Variants in FSTL5 observed in about 807,000 individuals in gnomAD.
The protein encoded by FSTL5 is follistatin-related protein 5.
Under a neutral mutation model 89.1 loss-of-function variants are expected in FSTL5, and 62 were observed. The ratio of observed to expected loss-of-function variants is 0.70; its 90% confidence interval spans 0.57 to 0.86. The LOEUF is 0.86. Ranked by LOEUF, FSTL5 falls within the 40% of genes least tolerant of loss-of-function variation. FSTL5 has a pLI of 0.00. For missense variants in FSTL5, 1,057 were observed against 1,001.6 expected (o/e 1.06, Z -0.75); for synonymous variants, 383 against 346.2 (o/e 1.11, Z -1.18).
At chr4:161,391,942 G>A (rs922048760) in intron 15 of FSTL5, among the ~76,000 whole-genome samples, 8 of 152,188 alleles carry the variant, frequency 5.3e-5, no homozygotes, top group African/African-American at 7.2e-5. Flanking sequence ...TACATTAAAC[G>A]TTTTAGCTAT....
intron 13 of FSTL5, among the ~76,000 whole-genome samples, chr4:161,461,293 AAAAC>A (rs1339609875): frequency 7.8e-6 from 1 of 128,484 alleles, no homozygotes; most frequent in Non-Finnish European, 1.6e-5. Context: ...AAATACAAAA[AAAAC>A]AAACAAACAA....
chr4:161,923,959 T>C (rs1368555946), intron 3 of FSTL5, among the ~76,000 whole-genome samples: 1 of 151,830 alleles, frequency 6.6e-6, no homozygotes, highest in Non-Finnish European at 1.5e-5. Context: ...ATTATGTAAA[T>C]GAATAGCTAG....
At chr4:162,133,433 GCAGT>G (rs1404222978) in intron 1 of FSTL5, among the ~76,000 whole-genome samples, 4 of 152,112 alleles carry the variant, frequency 2.6e-5, no homozygotes, top group East Asian at 1.9e-4. Flanking sequence ...GGTAGGAGAG[GCAGT>G]CATTGTTAAT....
chr4:161,595,047 G>A (rs958675868), intron 7 of FSTL5, among the ~76,000 whole-genome samples: 1 of 151,874 alleles, frequency 6.6e-6, no homozygotes, highest in African/African-American at 2.4e-5. Flanking sequence ...GAATTTAGCT[G>A]TTCTTGTTTA....
chr4:162,140,296 G>A (rs1732676200), intron 1 of FSTL5, among the ~76,000 whole-genome samples: 1 of 152,084 alleles, frequency 6.6e-6, no homozygotes, highest in African/African-American at 2.4e-5. Context: ...TCTCACATGT[G>A]TTCAAGGAAA....
chr4:161,821,787 G>A (rs1262170476), intron 4 of FSTL5, among the ~76,000 whole-genome samples: 3 of 151,454 alleles, frequency 2.0e-5, no homozygotes, highest in Admixed American at 6.6e-5. Flanking sequence ...TGGTGTGTGT[G>A]TATATATATA....
chr4:161,952,682 A>T (rs2110957050), intron 3 of FSTL5, among the ~76,000 whole-genome samples: 1 of 152,030 alleles, frequency 6.6e-6, no homozygotes, highest in Non-Finnish European at 1.5e-5. Context: ...ATGCATTTTT[A>T]ATTTAACAAA....
chr4:161,493,722 T>G (rs1729961818), intron 12 of FSTL5, among the ~76,000 whole-genome samples: 1 of 152,088 alleles, frequency 6.6e-6, no homozygotes, highest in African/African-American at 2.4e-5. Flanking sequence ...TTGTAAAGCG[T>G]GCGGAATGCA....
intron 1 of FSTL5, among the ~76,000 whole-genome samples, chr4:162,153,704 TTATATATGTATATAATAATATATG>T (rs1733336450): frequency 7.2e-6 from 1 of 137,998 alleles, no homozygotes. Context: ...TATATGTATA[TTATATATGTATATAATAATATATG>T]TATATATGTA....
At chr4:161,911,647 T>C (rs1011988272) in intron 4 of FSTL5, among the ~76,000 whole-genome samples, 1 of 152,188 alleles carries the variant, frequency 6.6e-6, no homozygotes, top group African/African-American at 2.4e-5. Flanking sequence ...TAGCAGTCAA[T>C]AGATGAATGC....
intron 10 of FSTL5, among the ~76,000 whole-genome samples, chr4:161,511,933 T>C (rs1248071254): frequency 1.3e-5 from 2 of 151,950 alleles, no homozygotes; most frequent in Non-Finnish European, 2.9e-5. Flanking sequence ...CTGTGCGGTG[T>C]AGGGGGCTAG....
At chr4:161,920,136 T>C (rs907235459) in intron 4 of FSTL5, among the ~76,000 whole-genome samples, 1 of 152,126 alleles carries the variant, frequency 6.6e-6, no homozygotes, top group Non-Finnish European at 1.5e-5. Context: ...CCTAAGAAAA[T>C]CCATGATTGG....
At chr4:161,405,777 C>G (rs78271077) in intron 15 of FSTL5, among the ~76,000 whole-genome samples, 14,668 of 152,122 alleles carry the variant, frequency 0.096, 947 homozygotes, top group South Asian at 0.2. Flanking sequence ...AAGAGAGAAT[C>G]ACCAAAGCAC....
intron 6 of FSTL5, among the ~76,000 whole-genome samples, chr4:161,672,946 C>CT (rs1260122005): frequency 6.6e-6 from 1 of 151,828 alleles, no homozygotes; most frequent in African/African-American, 2.4e-5. Context: ...ATATCACTGC[C>CT]TTGAAACTGC....
intron 1 of FSTL5, among the ~76,000 whole-genome samples, chr4:162,137,815 G>A (rs533746695): frequency 3.7e-4 from 56 of 152,112 alleles, no homozygotes; most frequent in African/African-American, 1.2e-3. Flanking sequence ...TATTTCTATC[G>A]AAAAGCAATA....
chr4:161,555,719 ACT>A (rs1391445935), intron 8 of FSTL5, among the ~76,000 whole-genome samples: 1 of 151,570 alleles, frequency 6.6e-6, no homozygotes, highest in Non-Finnish European at 1.5e-5. Context: ...TAAAGGAAAC[ACT>A]CTCTGGTAAA....
chr4:161,979,476 A>G lies in FSTL5; in HGVS notation c.160+54149T>C, dbSNP rs533311167. 7.2e-5 allele frequency among the ~76,000 whole-genome samples: 11 copies of G among 152,016 alleles called. No individual in the cohort carries two copies. In the East Asian group the frequency reaches 2.1e-3, roughly 29 times the overall value. On this transcript the variant is annotated intron_variant, in intron 3 of 15. Coordinates refer to ENST00000306100, the MANE Select transcript of FSTL5 (RefSeq NM_020116.5). The stretch of plus-strand genomic sequence containing the variant: ...AATGATTTTCTGATATTGTCCTCTT[A>G]CCATTTATTAGCTTGTCTTAAAAAC...
intron 6 of FSTL5, among the ~76,000 whole-genome samples, chr4:161,677,311 T>C (rs181015562): frequency 4.4e-4 from 67 of 151,832 alleles, no homozygotes; most frequent in Admixed American, 2.3e-3. Context: ...GAGAGGCAGA[T>C]AGAAACAAAG....
intron 15 of FSTL5, among the ~76,000 whole-genome samples, chr4:161,391,655 T>C (rs892081250): frequency 1.3e-5 from 2 of 152,194 alleles, no homozygotes; most frequent in Admixed American, 6.5e-5. Flanking sequence ...TCAGTTTTTA[T>C]CTGAACATCA....
Sources: gnomAD v4.1 joint callset for allele counts (sites outside exome capture counted in the v4.1 genomes callset) on GRCh38, gnomAD v4.1.1 for gene constraint, MANE v1.5 for transcripts, NCBI Gene and HGNC (gene_info 2026-07-23, HGNC 2026-07-21) for gene names.